Variants in TBC1D22A observed in about 807,000 individuals in gnomAD.
TBC1D22A encodes TBC1 domain family member 22A, also known as putative GTPase activator.
A neutral mutation model predicts 60.2 loss-of-function variants in TBC1D22A; 38 were observed. The ratio of observed to expected loss-of-function variants is 0.63; its 90% CI spans 0.49 to 0.83. The LOEUF is 0.83. TBC1D22A is among the 40% of genes least tolerant of loss of function. The pLI, the probability that TBC1D22A is intolerant of heterozygous loss-of-function variation, is 0.00. For synonymous variants in TBC1D22A, 302 were observed against 281.7 expected (o/e 1.07, Z -0.72); for missense variants, 628 against 701.0 (o/e 0.90, Z 1.18).
At chr22:47,055,551 G>A (rs1205829568) in intron 11 of TBC1D22A, among the ~76,000 whole-genome samples, 1 of 152,156 alleles carries the variant, frequency 6.6e-6, no homozygotes, top group East Asian at 1.9e-4. Context: ...TTTGGAGCCC[G>A]ACCCTATGCT....
At chr22:46,811,607 T>C (rs2147036274) in intron 4 of TBC1D22A, among the ~76,000 whole-genome samples, 1 of 152,322 alleles carries the variant, frequency 6.6e-6, no homozygotes, top group South Asian at 2.1e-4. Context: ...AGCTGCGTGC[T>C]GAGCGCGTTG....
intron 10 of TBC1D22A, among the ~76,000 whole-genome samples, chr22:47,016,009 C>G (rs751276059): frequency 1.3e-5 from 2 of 152,260 alleles, no homozygotes; most frequent in African/African-American, 4.8e-5. Flanking sequence ...CACGTGCCCC[C>G]CTGGGATGGC....
At chr22:47,148,655 C>T (rs189296412) in intron 12 of TBC1D22A, among the ~76,000 whole-genome samples, 2 of 146,716 alleles carry the variant, frequency 1.4e-5, no homozygotes, top group Non-Finnish European at 3.0e-5. Flanking sequence ...GGTTCCTCTC[C>T]TGGGGTCCGT....
chr22:46,897,650 G>T (rs6009030), intron 7 of TBC1D22A, among the ~76,000 whole-genome samples: 1,942 of 91,898 alleles, frequency 0.021, 64 homozygotes, highest in African/African-American at 0.068. Context: ...GTTTTTTTTT[G>T]TGTTTTTTTT....
chr22:46,808,762 T>C (rs1182881965), intron 4 of TBC1D22A, among the ~76,000 whole-genome samples: 6 of 152,192 alleles, frequency 3.9e-5, no homozygotes, highest in African/African-American at 1.4e-4. Flanking sequence ...GCCTGGCTAA[T>C]TTTTTGTATT....
At chr22:46,933,750 G>A (rs1445418778) in intron 8 of TBC1D22A, among the ~76,000 whole-genome samples, 2 of 152,256 alleles carry the variant, frequency 1.3e-5, no homozygotes, top group Admixed American at 6.5e-5. Flanking sequence ...CCCTGAGCAC[G>A]GGAAATGTGA....
chr22:46,792,816 C>G, intron 2 of TBC1D22A: 1 of 1,443,918 alleles, frequency 6.9e-7, no homozygotes, highest in Non-Finnish European at 9.1e-7. Context: ...TGGGGGAGCC[C>G]TGGGGAGAGC....
intron 7 of TBC1D22A, among the ~76,000 whole-genome samples, chr22:46,902,389 C>G (rs764225017): frequency 2.0e-5 from 3 of 152,356 alleles, no homozygotes; most frequent in South Asian, 2.1e-4. Flanking sequence ...TGAATTCCCA[C>G]TCTCTAACAA....
intron 9 of TBC1D22A, among the ~76,000 whole-genome samples, chr22:46,985,208 C>A (rs1020690743): frequency 6.6e-6 from 1 of 152,158 alleles, no homozygotes; most frequent in Non-Finnish European, 1.5e-5. Flanking sequence ...TTGTTGTATA[C>A]GTCAAGAAGC....
chr22:46,951,618 G>A (rs1408515198), intron 8 of TBC1D22A, among the ~76,000 whole-genome samples: 6 of 152,208 alleles, frequency 3.9e-5, no homozygotes, highest in Non-Finnish European at 7.3e-5. Context: ...GTGATAATGC[G>A]TCATCAGAGC....
chr22:47,008,401 C>T (rs980841675), intron 10 of TBC1D22A, among the ~76,000 whole-genome samples: 1 of 152,258 alleles, frequency 6.6e-6, no homozygotes, highest in Admixed American at 6.5e-5. Flanking sequence ...CTGGCACTTG[C>T]CAACTCTCCC....
At chr22:47,097,324 C>T (rs1449103040) in intron 11 of TBC1D22A, among the ~76,000 whole-genome samples, 1 of 152,144 alleles carries the variant, frequency 6.6e-6, no homozygotes, top group Non-Finnish European at 1.5e-5. Flanking sequence ...ATTAGAAGTG[C>T]ATTGAATTGG....
rs1394023541 is a variant in TBC1D22A at position 46,792,527 on chromosome 22, C to T, written c.70C>T (p.His24Tyr). Residue 24 changes from histidine to tyrosine, a missense_variant, in exon 2 of 13, where the codon CAC (histidine) becomes TAC (tyrosine). His to Tyr is a moderately conservative substitution (Grantham distance 83). Coordinates refer to ENST00000337137, the MANE Select transcript of TBC1D22A (RefSeq NM_014346.5). ...SNSKLPGSIQ[H>Y]VYGAQHPPFD... ...CCTTTTCTTTTCCATCAGCATCCAG[C>T]ACGTGTATGGTGCCCAGCACCCCCC... The T allele has an allele frequency of 6.2e-7, 1 of 1,614,218 alleles. No homozygotes were observed. Among genetic ancestry groups the T allele is most frequent in the African/African-American group, 1.3e-5 (1 of 75,062 alleles).
At chr22:47,019,914 C>CT (rs1475094944) in intron 10 of TBC1D22A, among the ~76,000 whole-genome samples, 1 of 101,088 alleles carries the variant, frequency 9.9e-6, no homozygotes, top group South Asian at 2.9e-4. Context: ...ACTCTCCATC[C>CT]TCCCCTCTCC....
chr22:46,798,249 G>C (rs1376022400), intron 4 of TBC1D22A, among the ~76,000 whole-genome samples: 1 of 152,216 alleles, frequency 6.6e-6, no homozygotes, highest in Non-Finnish European at 1.5e-5. Context: ...AGGCTGGCCA[G>C]GTGGACATCC....
chr22:47,039,780 G>A (rs923722437), intron 11 of TBC1D22A, among the ~76,000 whole-genome samples: 1 of 150,886 alleles, frequency 6.6e-6, no homozygotes, highest in African/African-American at 2.4e-5. Flanking sequence ...ATTGGCACAT[G>A]GTTCCAAAGA....
intron 11 of TBC1D22A, among the ~76,000 whole-genome samples, chr22:47,103,153 A>G (rs1193985941): frequency 2.0e-5 from 3 of 152,228 alleles, no homozygotes; most frequent in East Asian, 1.9e-4. Flanking sequence ...TGGTAACCCA[A>G]GGTGGTGGAT....
At chr22:47,037,483 T>A (rs1206099549) in intron 11 of TBC1D22A, among the ~76,000 whole-genome samples, 3 of 152,084 alleles carry the variant, frequency 2.0e-5, no homozygotes, top group African/African-American at 7.2e-5. Flanking sequence ...ACAGAAAAAA[T>A]TAGCCAAGTG....
intron 8 of TBC1D22A, among the ~76,000 whole-genome samples, chr22:46,952,510 G>A (rs1423303437): frequency 6.6e-6 from 1 of 152,156 alleles, no homozygotes; most frequent in Non-Finnish European, 1.5e-5. Context: ...AGGAAGCATC[G>A]TTTTTATCAG....
Sources: allele counts gnomAD v4.1 joint callset (sites outside exome capture counted in the v4.1 genomes callset), GRCh38; gene constraint gnomAD v4.1.1; transcripts MANE v1.5; gene names NCBI Gene and HGNC (gene_info 2026-07-23, HGNC 2026-07-21).